The following PGM5 variants were observed in gnomAD, a reference collection of about 807,000 sequenced individuals.
PGM5 encodes the protein phosphoglucomutase-like protein 5.
A neutral mutation model predicts 59.2 loss-of-function variants in PGM5; 23 were observed. The observed-to-expected ratio is 0.39, with a 90% confidence interval of 0.28 to 0.55. The LOEUF is 0.55. Ranked by LOEUF, PGM5 falls within the 20% of genes least tolerant of loss-of-function variation. The pLI, the probability that PGM5 is intolerant of heterozygous loss-of-function variation, is 0.66. For synonymous variants in PGM5, 214 were observed against 286.0 expected (o/e 0.75, Z 2.54); for missense variants, 574 against 748.3 (o/e 0.77, Z 2.72).
chr9:68,527,256 C>T (rs1054604678), intron 10 of PGM5, among the ~76,000 whole-genome samples: 1 of 152,104 alleles, frequency 6.6e-6, no homozygotes, highest in African/African-American at 2.4e-5. Context: ...ATGTTTTAAT[C>T]CTTTAGTTCC....
intron 2 of PGM5, among the ~76,000 whole-genome samples, chr9:68,382,717 A>T (rs1244386680): frequency 1.3e-5 from 2 of 151,804 alleles, no homozygotes; most frequent in African/African-American, 4.8e-5. Flanking sequence ...GGTGAAAGTC[A>T]TTGGAGTGGA....
chr9:68,499,953 T>A (rs1268986942), intron 10 of PGM5, among the ~76,000 whole-genome samples: 5 of 152,184 alleles, frequency 3.3e-5, no homozygotes, highest in African/African-American at 1.2e-4. Flanking sequence ...AACACAACCA[T>A]AAGCCTCTCC....
At chr9:68,527,044 C>CG (rs1448677651) in intron 10 of PGM5, among the ~76,000 whole-genome samples, 1 of 152,116 alleles carries the variant, frequency 6.6e-6, no homozygotes, top group African/African-American at 2.4e-5. Context: ...TAGTGAGCTA[C>CG]GGACGTGAGT....
chr9:68,423,667 C>G (rs1401049221), intron 6 of PGM5, among the ~76,000 whole-genome samples: 2 of 149,978 alleles, frequency 1.3e-5, no homozygotes, highest in African/African-American at 5.0e-5. Context: ...CTCTCTCTCT[C>G]TCTCTCTCTC....
intron 1 of PGM5, among the ~76,000 whole-genome samples, chr9:68,358,795 C>T (rs1437153166): frequency 5.3e-5 from 8 of 151,836 alleles, no homozygotes; most frequent in Admixed American, 2.0e-4. Context: ...GAAACAGGGC[C>T]AGTGGTGTTG....
intron 6 of PGM5, among the ~76,000 whole-genome samples, chr9:68,431,882 A>G (rs570145702): frequency 3.5e-5 from 5 of 143,464 alleles, no homozygotes; most frequent in Admixed American, 2.1e-4. Flanking sequence ...CTCACAGCAA[A>G]GTATTAGGGG....
chr9:68,478,866 A>T (rs75972831), intron 7 of PGM5, among the ~76,000 whole-genome samples: 230 of 152,352 alleles, frequency 1.5e-3, no homozygotes, highest in Non-Finnish European at 2.2e-3. Flanking sequence ...CCAGGTGGAC[A>T]TATCTGTTGG....
chr9:68,449,300 C>T (rs1269798005), intron 6 of PGM5, among the ~76,000 whole-genome samples: 2 of 152,188 alleles, frequency 1.3e-5, no homozygotes, highest in Non-Finnish European at 2.9e-5. Flanking sequence ...CTTTGCTTCC[C>T]AGAAGCTGAG....
At chr9:68,466,095 A>T in intron 7 of PGM5, 1 of 1,258,726 alleles carries the variant, frequency 7.9e-7, no homozygotes, top group Non-Finnish European at 1.0e-6. Flanking sequence ...ATAATTTGTG[A>T]TGACAAATGA....
At chr9:68,402,200 C>T (rs1347551817) in intron 6 of PGM5, among the ~76,000 whole-genome samples, 1 of 152,282 alleles carries the variant, frequency 6.6e-6, no homozygotes, top group African/African-American at 2.4e-5. Context: ...GGAGGCAGAG[C>T]TTGCAGTGAG....
At chr9:68,409,519 T>G (rs1185831359) in intron 6 of PGM5, among the ~76,000 whole-genome samples, 2 of 137,672 alleles carry the variant, frequency 1.5e-5, no homozygotes, top group Non-Finnish European at 3.1e-5. Context: ...ATGTGGCACA[T>G]ATACACCATG....
chr9:68,405,371 C>A (rs575861238), intron 6 of PGM5: 1 of 152,504 alleles, frequency 6.6e-6, no homozygotes, highest in Non-Finnish European at 1.5e-5. Context: ...GTAATTAGGA[C>A]CCAATTGATG....
At chr9:68,484,162 G>A (rs1208369571) in intron 9 of PGM5, 114 bp downstream of exon 9, 9 of 860,176 alleles carry the variant, frequency 1.0e-5, no homozygotes, top group African/African-American at 1.7e-5. Flanking sequence ...TTATAGATGA[G>A]AACTGTGCAG....
At chr9:68,529,036 C>T (rs937724059) in intron 10 of PGM5, among the ~76,000 whole-genome samples, 10 of 152,246 alleles carry the variant, frequency 6.6e-5, no homozygotes, top group African/African-American at 1.9e-4. Flanking sequence ...CCCAGTGTTA[C>T]GTAATGGGAA....
intron 6 of PGM5, among the ~76,000 whole-genome samples, chr9:68,407,581 A>G (rs1475823013): frequency 2.6e-5 from 4 of 152,206 alleles, no homozygotes; most frequent in African/African-American, 9.6e-5. Context: ...GGGAAAATAC[A>G]GAGTTTCTTT....
At chr9:68,508,661 A>G (rs577418881) in intron 10 of PGM5, among the ~76,000 whole-genome samples, 123 of 152,276 alleles carry the variant, frequency 8.1e-4, no homozygotes, top group African/African-American at 2.7e-3. Context: ...GCATGAATGA[A>G]TTTGCAGCGG....
intron 4 of PGM5, among the ~76,000 whole-genome samples, chr9:68,390,453 C>T (rs1822336137): frequency 6.6e-6 from 1 of 152,106 alleles, no homozygotes; most frequent in Non-Finnish European, 1.5e-5. Flanking sequence ...GGGATTTAGC[C>T]ATACCCAGAC....
chr9:68,453,484 G>A (rs1172803817), intron 6 of PGM5, among the ~76,000 whole-genome samples: 1 of 152,042 alleles, frequency 6.6e-6, no homozygotes, highest in Non-Finnish European at 1.5e-5. Context: ...GACTACAGGT[G>A]CACACCACCA....
intron 6 of PGM5, among the ~76,000 whole-genome samples, chr9:68,419,274 TA>T (rs1445423228): frequency 6.6e-6 from 1 of 152,192 alleles, no homozygotes; most frequent in Non-Finnish European, 1.5e-5. Flanking sequence ...CACCAAGTTT[TA>T]AAGTTCTAAG....
Sources: gnomAD v4.1 joint callset for allele counts (sites outside exome capture counted in the v4.1 genomes callset) on GRCh38, gnomAD v4.1.1 for gene constraint, MANE v1.5 for transcripts, NCBI Gene and HGNC (gene_info 2026-07-23, HGNC 2026-07-21) for gene names.